Variants in KSR2 observed in about 807,000 individuals in gnomAD.
KSR2 encodes kinase suppressor of ras 2.
KSR2 carries 25 observed loss-of-function variants against 107.8 expected under a neutral mutation model. The ratio of observed to expected loss-of-function variants is 0.23; its 90% CI spans 0.17 to 0.32. The LOEUF (loss-of-function observed/expected upper bound fraction) is 0.32, where lower values mean the gene tolerates loss of function less well. Among genes scored for constraint, KSR2 ranks in the 10% least tolerant of loss-of-function variants. The probability of loss-of-function intolerance (pLI) is 1.00; values close to 1 mark genes in which losing one functional copy is unlikely to be tolerated. For missense variants in KSR2, 887 were observed against 1,268.9 expected (o/e 0.70, Z 4.57); for synonymous variants, 480 against 507.0 (o/e 0.95, Z 0.71).
chr12:117,845,650 C>A (rs958519538), intron 3 of KSR2, among the ~76,000 whole-genome samples: 5 of 151,804 alleles, frequency 3.3e-5, no homozygotes, highest in African/African-American at 1.2e-4. Context: ...AATTGAAATG[C>A]CTTAAAAGCG....
At chr12:117,784,958 GACT>G in intron 3 of KSR2, among the ~76,000 whole-genome samples, 1 of 152,224 alleles carries the variant, frequency 6.6e-6, no homozygotes. Flanking sequence ...ACTCTAACCA[GACT>G]ACTGACTGCT....
At chr12:117,893,252 A>G (rs1039509070) in intron 1 of KSR2, among the ~76,000 whole-genome samples, 9 of 152,228 alleles carry the variant, frequency 5.9e-5, no homozygotes, top group African/African-American at 2.2e-4. Flanking sequence ...TCCTGGGCTC[A>G]AGCTATCCTC....
intron 14 of KSR2, among the ~76,000 whole-genome samples, chr12:117,523,161 A>G (rs528260896): frequency 8.5e-5 from 13 of 152,362 alleles, no homozygotes; most frequent in Admixed American, 2.0e-4. Flanking sequence ...ATGGATACAG[A>G]ATATAATGTA....
At chr12:117,866,410 T>C (rs1387166402) in intron 1 of KSR2, among the ~76,000 whole-genome samples, 1 of 152,188 alleles carries the variant, frequency 6.6e-6, no homozygotes. Flanking sequence ...TGCAACACAA[T>C]TTCATGACAC....
At chr12:117,877,819 C>T (rs947746793) in intron 1 of KSR2, among the ~76,000 whole-genome samples, 4 of 152,244 alleles carry the variant, frequency 2.6e-5, no homozygotes, top group Middle Eastern at 3.4e-3. Context: ...CATGCCAAGC[C>T]CCAGCTTCAG....
intron 1 of KSR2, among the ~76,000 whole-genome samples, chr12:117,886,832 T>C (rs921838635): frequency 2.6e-5 from 4 of 152,188 alleles, no homozygotes; most frequent in African/African-American, 9.7e-5. Context: ...TTTTTTGCTA[T>C]GTATATTTTA....
At chr12:117,782,929 A>C (rs1889936283) in intron 3 of KSR2, among the ~76,000 whole-genome samples, 2 of 152,192 alleles carry the variant, frequency 1.3e-5, no homozygotes, top group African/African-American at 4.8e-5. Context: ...GACTACACAT[A>C]ATAATCGCAA....
Position 117,642,444 on chromosome 12 carries a change from C to A in KSR2, c.1171+25030G>T, listed in dbSNP as rs540605915. ...CAAGGCTTCCTTCAAGGATCCAGAG[C>A]CAACTTTGCAGCATCAGAAAAAGCA... On this transcript the variant is annotated intron_variant, in intron 5 of 19. Coordinates refer to ENST00000339824, the MANE Select transcript of KSR2 (RefSeq NM_173598.6). 2.0e-5 allele frequency among the ~76,000 whole-genome samples: 3 copies of A among 152,294 alleles called. No homozygotes were observed. The East Asian group carries it at 5.8e-4, about 29-fold the overall frequency.
At chr12:117,634,121 A>G (rs537800745) in intron 5 of KSR2, among the ~76,000 whole-genome samples, 1 of 152,278 alleles carries the variant, frequency 6.6e-6, no homozygotes, top group Admixed American at 6.5e-5. Context: ...TATACATCAA[A>G]TGAATGGCAG....
At chr12:117,731,357 G>T (rs1263827827) in intron 4 of KSR2, among the ~76,000 whole-genome samples, 3 of 138,092 alleles carry the variant, frequency 2.2e-5, no homozygotes, top group Non-Finnish European at 4.7e-5. Context: ...CCCAGCAGCC[G>T]CCCTGTCTGG....
intron 1 of KSR2, among the ~76,000 whole-genome samples, chr12:117,899,032 G>A (rs185544930): frequency 2.0e-5 from 3 of 152,170 alleles, no homozygotes; most frequent in East Asian, 3.9e-4. Context: ...GAATCTTGGC[G>A]CAGATGATCT....
At chr12:117,733,587 G>T (rs75172209) in intron 4 of KSR2, among the ~76,000 whole-genome samples, 1,569 of 152,242 alleles carry the variant, frequency 0.01, 31 homozygotes, top group African/African-American at 0.035. Flanking sequence ...GGGACCATAT[G>T]GCTGCCAAGA....
At chr12:117,777,842 G>A (rs1215256886) in intron 3 of KSR2, among the ~76,000 whole-genome samples, 1 of 151,974 alleles carries the variant, frequency 6.6e-6, no homozygotes, top group Admixed American at 6.6e-5. Context: ...GCCAGCCTGG[G>A]CAACACAGCA....
chr12:117,473,110 C>CT (rs1871575784), intron 17 of KSR2, among the ~76,000 whole-genome samples: 2 of 152,112 alleles, frequency 1.3e-5, no homozygotes, highest in South Asian at 2.1e-4. Flanking sequence ...GTCTTCTTAC[C>CT]CTGCCTCCCC....
At chr12:117,595,413 G>A (rs1297465276) in intron 5 of KSR2, among the ~76,000 whole-genome samples, 1 of 121,644 alleles carries the variant, frequency 8.2e-6, no homozygotes, top group African/African-American at 3.4e-5. Flanking sequence ...GCCGGACTGC[G>A]GACTGCAGTG....
chr12:117,628,855 C>T (rs1039467929), intron 5 of KSR2, among the ~76,000 whole-genome samples: 19 of 152,252 alleles, frequency 1.2e-4, no homozygotes, highest in African/African-American at 4.6e-4. Flanking sequence ...CTGTGGGCTC[C>T]GCCCAGTTCG....
chr12:117,570,736 T>C (rs1259292795), intron 7 of KSR2, among the ~76,000 whole-genome samples: 2 of 152,234 alleles, frequency 1.3e-5, no homozygotes, highest in East Asian at 1.9e-4. Context: ...GGCATGAACA[T>C]ATCTCATCAC....
chr12:117,634,878 T>G (rs893820273), intron 5 of KSR2, among the ~76,000 whole-genome samples: 1 of 152,044 alleles, frequency 6.6e-6, no homozygotes, highest in Non-Finnish European at 1.5e-5. Context: ...ACCCCAAAGA[T>G]GGAGATGTGA....
chr12:117,650,871 G>C (rs1565944355), intron 5 of KSR2, among the ~76,000 whole-genome samples: 1 of 152,158 alleles, frequency 6.6e-6, no homozygotes, highest in Non-Finnish European at 1.5e-5. Context: ...AGATTGCCCT[G>C]AGTGAGTCTT....
Sources: allele counts gnomAD v4.1 joint callset (sites outside exome capture counted in the v4.1 genomes callset), GRCh38; gene constraint gnomAD v4.1.1; transcripts MANE v1.5; gene names NCBI Gene and HGNC (gene_info 2026-07-23, HGNC 2026-07-21).